The following TTLL12 variants were observed in gnomAD, a reference collection of about 807,000 sequenced individuals.
The protein encoded by TTLL12 is tubulin tyrosine ligase like 12.
TTLL12 carries 77 observed loss-of-function variants against 79.6 expected under a neutral mutation model. The ratio of observed to expected loss-of-function variants is 0.97; its 90% CI spans 0.81 to 1.17. The LOEUF (loss-of-function observed/expected upper bound fraction) is 1.17, where lower values mean the gene tolerates loss of function less well. Ranked by LOEUF, TTLL12 falls within the 50% of genes most tolerant of loss-of-function variation. The pLI is 0.00. For missense variants in TTLL12, 969 were observed against 895.9 expected (o/e 1.08, Z -1.04); for synonymous variants, 437 against 376.1 (o/e 1.16, Z -1.87).
intron 1 of TTLL12, among the ~76,000 whole-genome samples, chr22:43,185,638 C>T (rs1932166435): frequency 6.6e-6 from 1 of 152,218 alleles, no homozygotes; most frequent in Non-Finnish European, 1.5e-5. Context: ...GCATATTTCT[C>T]ATGCCACCTC....
chr22:43,169,083 C>T (rs1931695497), intron 12 of TTLL12, among the ~76,000 whole-genome samples, 171 bp from the exon 13 acceptor site: 1 of 152,222 alleles, frequency 6.6e-6, no homozygotes, highest in Non-Finnish European at 1.5e-5. Flanking sequence ...TGCCCTCTTA[C>T]TCCTGACGCC....
intron 2 of TTLL12, among the ~76,000 whole-genome samples, chr22:43,181,382 C>T (rs1237524908): frequency 6.6e-6 from 1 of 152,226 alleles, no homozygotes; most frequent in Non-Finnish European, 1.5e-5. Flanking sequence ...TGGCACACCA[C>T]AGCTGCTCAA....
In TTLL12 at chr22:43,168,836, T is replaced by C. The variant is rs1427878148; in HGVS notation, c.1721A>G (p.Tyr574Cys). ...AKPPPLGLCD[Y>C]PSSRAMYAVD... ...GGCATACATGGCCCGGGATGAGGGG[T>C]AGTCGCAGAGGCCCAGGGGTGGTGG... The change falls in exon 13 of 14, where the codon TAC becomes TGC. Residue 574 changes from tyrosine to cysteine, a missense_variant. Tyr to Cys is a radical substitution (Grantham distance 194, BLOSUM62 -2). Coordinates refer to ENST00000216129, the MANE Select transcript of TTLL12 (RefSeq NM_015140.4). The C allele has an allele frequency of 6.3e-7, 1 of 1,599,692 alleles. No homozygotes were observed. Among genetic ancestry groups the C allele is most frequent in the South Asian group, 1.1e-5 (1 of 88,594 alleles).
rs201676990 is a variant in TTLL12, at chr22:43,172,514, C to T, written c.1382G>A (p.Arg461Gln). 491 of 1,613,966 alleles carry T rather than the reference C, an allele frequency of 3.0e-4. 1 individual carries two copies. The highest frequency in any genetic ancestry group is 3.7e-4 in the Non-Finnish European group (437 of 1,180,026). Residue 461 changes from arginine (R) to glutamine (Q), a missense_variant, in exon 10 of 14, where the codon CGA (arginine) becomes CAA (glutamine). Transcript: ENST00000216129. ...KYIESPVLFLREDVGKVKFDI... is the reference protein window; with the variant it reads ...KYIESPVLFLQEDVGKVKFDI... ...GAACTTGACCTTTCCCACGTCTTCT[C>T]GAAGGAACAACACGGGACTTTCGAT...
At position 43,180,008 on chromosome 22, in the gene TTLL12, C is replaced by T. The variant is rs540782290; in HGVS notation, c.547-8G>A. 2 of 1,584,706 alleles carry T rather than the reference C, an allele frequency of 1.3e-6. No homozygotes were observed. The highest frequency in any genetic ancestry group is 2.2e-5 in the East Asian group (1 of 44,520). ...CATCTTCTCCTCAGCTGTCTGCAGACAGAGCACATATGGCACCTCTCGCTC... is the reference window on the plus strand; with the variant it reads ...CATCTTCTCCTCAGCTGTCTGCAGATAGAGCACATATGGCACCTCTCGCTC... On this transcript the variant is annotated splice_polypyrimidine_tract_variant and splice_region_variant and intron_variant, in intron 3 of 13. Transcript: ENST00000216129.
intron 1 of TTLL12, among the ~76,000 whole-genome samples, chr22:43,185,096 C>T (rs144926285): frequency 0.015 from 2,200 of 151,458 alleles, 55 homozygotes; most frequent in African/African-American, 0.051. Context: ...GGTGTGGTGG[C>T]GCACGTCTGT....
rs201017225 is a variant in TTLL12, at chr22:43,180,043, C to A, written c.547-43G>T. 3.9e-6 allele frequency: 6 copies of A among 1,525,296 alleles called. No homozygotes were observed. The East Asian group carries it at 1.4e-4, about 35-fold the overall frequency. The allele number at this position is 1,525,296 out of a possible 1,614,324, so 94.5% of individuals were successfully genotyped here. A position where few individuals can be genotyped will look rare whatever the true frequency, so the allele number is the denominator to read the frequency against. ...ATGGCACCTCTCGCTCACCCATCCA[C>A]CCACCGGAACTCCCTTCCGGAACCC... On this transcript the variant is annotated intron_variant, in intron 3 of 13. Transcript: ENST00000216129.
chr22:43,178,368 C>T (rs1931968084), intron 5 of TTLL12, among the ~76,000 whole-genome samples: 1 of 150,362 alleles, frequency 6.7e-6, no homozygotes, highest in African/African-American at 2.5e-5. Flanking sequence ...GTTTCTCAGG[C>T]TGGAGTGCAG....
chr22:43,185,620 T>C lies in TTLL12; in HGVS notation c.177+1273A>G, dbSNP rs1379619206. Among the ~76,000 whole-genome samples, 3 of 152,240 alleles carry C rather than the reference T, an allele frequency of 2.0e-5. No individual in the cohort carries two copies. In the East Asian group the frequency reaches 5.8e-4, roughly 29 times the overall value. On this transcript the variant is annotated intron_variant, in intron 1 of 13. Coordinates refer to ENST00000216129, the MANE Select transcript of TTLL12 (RefSeq NM_015140.4). ...GTGGCACGGTGGCGACCACCCTCTG[T>C]GTGCCAGGCATATTTCTCATGCCAC... is the stretch of plus-strand genomic sequence containing the variant.
Position 43,174,564 on chromosome 22 carries a change from G to T in TTLL12, c.969C>A (p.Phe323Leu). ...QVASSLTHPR[F>L]TLTQSEADAD... ...CGTCCGCCTCACTCTGGGTGAGGGT[G>T]AAGCGCGGGTGGGTGAGGCTGCTGG... The change falls in exon 7 of 14, where the codon TTC becomes TTA. Residue 323 changes from phenylalanine to leucine, a missense_variant. Transcript: ENST00000216129. 1 of 1,613,466 alleles carries T rather than the reference G, an allele frequency of 6.2e-7. No individual in the cohort carries two copies. Among genetic ancestry groups the T allele is most frequent in the Non-Finnish European group, 8.5e-7 (1 of 1,179,816 alleles).
At chr22:43,171,933 C>T (rs781358244) in intron 10 of TTLL12, 33 bp from the exon 11 acceptor site, 2 of 1,592,758 alleles carry the variant, frequency 1.3e-6, no homozygotes, top group African/African-American at 2.7e-5. Flanking sequence ...CATATGGGTT[C>T]TTGAGCGGCC....
intron 5 of TTLL12, among the ~76,000 whole-genome samples, chr22:43,177,685 A>G (rs542824535): frequency 4.6e-5 from 7 of 152,218 alleles, no homozygotes; most frequent in Non-Finnish European, 1.0e-4. Context: ...CAGCACCAAC[A>G]CAGCAGGCAT....
chr22:43,177,062 GTGA>G (rs961253261), intron 5 of TTLL12, among the ~76,000 whole-genome samples: 1 of 152,196 alleles, frequency 6.6e-6, no homozygotes, highest in Non-Finnish European at 1.5e-5. Context: ...CTTCTGCAGT[GTGA>G]TGATTTAAAA....
chr22:43,182,067 C>CG (rs1932072684), intron 2 of TTLL12, among the ~76,000 whole-genome samples: 1 of 134,008 alleles, frequency 7.5e-6, no homozygotes, highest in Non-Finnish European at 1.8e-5. Context: ...AACAAACACT[C>CG]AGGCTCCAAA....
At chr22:43,174,014 C>T (rs775264913) in intron 8 of TTLL12, among the ~76,000 whole-genome samples, 188 bp from the exon 9 acceptor site, 2 of 152,042 alleles carry the variant, frequency 1.3e-5, no homozygotes, top group Admixed American at 6.5e-5. Flanking sequence ...AGCTGCGCTG[C>T]GGTGGAGAGG....
At position 43,179,929 on chromosome 22, in the gene TTLL12, C is replaced by T. The variant is rs33970602; in HGVS notation, c.618G>A (p.Val206=). The stretch of plus-strand genomic sequence containing the variant: ...AGAAGGGTGCCGTGGCGAAGCTGGG[C>T]ACGTCCGCGTGCTGGATCCGCGAAC... ...EFGSRIQHAD[V]PSFATAPFFY... is the part of the protein sequence containing the mutation. Residue 206 remains valine (V), a synonymous_variant, in exon 4 of 14, where the codon GTG becomes GTA. Transcript: ENST00000216129. 0.037 allele frequency: 60,218 copies of T among 1,610,788 alleles called. 1,413 individuals are homozygous for T. Among genetic ancestry groups the T allele is most frequent in the Admixed American group, 0.078 (4,697 of 59,928 alleles).
chr22:43,177,369 T>C (rs1931941902), intron 5 of TTLL12, among the ~76,000 whole-genome samples: 1 of 151,052 alleles, frequency 6.6e-6, no homozygotes, highest in Admixed American at 6.6e-5. Context: ...CCTATCTTTT[T>C]TAAAAAATTA....
chr22:43,185,012 G>C (rs556928822), intron 1 of TTLL12, among the ~76,000 whole-genome samples: 6 of 152,034 alleles, frequency 3.9e-5, no homozygotes, highest in African/African-American at 1.4e-4. Context: ...GGCGGATCAC[G>C]AGGTCAGGAA....
chr22:43,174,483 C>G lies in TTLL12; in HGVS notation c.1034+16G>C, dbSNP rs897193838. The stretch of plus-strand genomic sequence containing the variant: ...GCCCTGACTGGGAGGGCCCCTGCGG[C>G]CAGAGGTGCCCTCACCTGTAGTCCT... On this transcript the variant is annotated intron_variant, in intron 7 of 13. Coordinates refer to ENST00000216129, the MANE Select transcript of TTLL12 (RefSeq NM_015140.4). 1.3e-6 allele frequency: 2 copies of G among 1,593,574 alleles called. No homozygotes were observed.
Sources: gnomAD v4.1 joint callset for allele counts (sites outside exome capture counted in the v4.1 genomes callset) on GRCh38, gnomAD v4.1.1 for gene constraint, MANE v1.5 for transcripts, NCBI Gene and HGNC (gene_info 2026-07-23, HGNC 2026-07-21) for gene names.